CNTN4: variants seen among roughly 807,000 people sequenced by gnomAD.
CNTN4 encodes the protein contactin-4.
A neutral mutation model predicts 122.5 loss-of-function variants in CNTN4; 77 were observed. The ratio of observed to expected loss-of-function variants is 0.63; its 90% CI spans 0.52 to 0.76. The LOEUF (loss-of-function observed/expected upper bound fraction) is 0.76, where lower values mean the gene tolerates loss of function less well. CNTN4 is among the 30% of genes least tolerant of loss of function. The pLI is 0.00. For missense variants in CNTN4, 1,256 were observed against 1,259.1 expected, an observed-to-expected ratio of 1.00 and a Z score of 0.04; for synonymous variants, 512 against 447.0, an observed-to-expected ratio of 1.15 and a Z score of -1.83.
At chr3:2,890,337 A>G (rs572422250) in intron 10 of CNTN4, among the ~76,000 whole-genome samples, 6 of 152,284 alleles carry the variant, frequency 3.9e-5, no homozygotes, top group African/African-American at 1.4e-4. Context: ...ATAGGTCTCC[A>G]ATTTAAATGA....
intron 3 of CNTN4, among the ~76,000 whole-genome samples, chr3:2,452,940 C>G (rs1000964644): frequency 5.9e-5 from 9 of 151,882 alleles, no homozygotes; most frequent in African/African-American, 2.2e-4. Flanking sequence ...GTAATACTGG[C>G]CTTCATTATT....
At chr3:2,130,883 A>G (rs150281018) in intron 2 of CNTN4, among the ~76,000 whole-genome samples, 20 of 152,280 alleles carry the variant, frequency 1.3e-4, no homozygotes, top group South Asian at 6.2e-4. Flanking sequence ...ATCTTGGGCA[A>G]TGGCCAAGCA....
chr3:2,320,645 T>C (rs570445130), intron 2 of CNTN4, among the ~76,000 whole-genome samples: 2 of 152,282 alleles, frequency 1.3e-5, no homozygotes, highest in South Asian at 2.1e-4. Flanking sequence ...TCATGATGAC[T>C]GCTGTTCTAA....
At chr3:2,627,716 A>C (rs1012542588) in intron 4 of CNTN4, among the ~76,000 whole-genome samples, 5 of 151,940 alleles carry the variant, frequency 3.3e-5, no homozygotes, top group Non-Finnish European at 7.4e-5. Flanking sequence ...GATGGTCTCG[A>C]TCTCCTGACC....
At position 2,917,038 on chromosome 3, in the gene CNTN4, G is replaced by A. The variant is rs1301417230; in HGVS notation, c.1208-8591G>A. ...TTGAGCACTGAGTGAACCAGACTCC[G>A]TCTGCCATCCCGGCACCTCGGGAGG... On this transcript the variant is annotated intron_variant, in intron 12 of 24. Transcript: ENST00000418658. 4.8e-5 allele frequency among the ~76,000 whole-genome samples: 6 copies of A among 125,318 alleles called. 1 individual carries two copies. The highest frequency in any genetic ancestry group is 2.7e-4 in the South Asian group (1 of 3,642). The allele number at this position is 125,318 out of a possible 152,430, so 82.2% of individuals were successfully genotyped here. A position where few individuals can be genotyped will look rare whatever the true frequency, so the allele number is the denominator to read the frequency against.
intron 3 of CNTN4, among the ~76,000 whole-genome samples, chr3:2,409,482 T>C (rs1170219862): frequency 6.6e-6 from 1 of 152,060 alleles, no homozygotes. Flanking sequence ...TTCCTGACCT[T>C]GTGATCTGCA....
chr3:3,036,672 C>T (rs1363648046), intron 17 of CNTN4, among the ~76,000 whole-genome samples: 1 of 150,764 alleles, frequency 6.6e-6, no homozygotes, highest in Non-Finnish European at 1.5e-5. Context: ...GAGGCTGAGG[C>T]ACAAGAATTG....
At chr3:2,313,733 G>A (rs1363559188) in intron 2 of CNTN4, among the ~76,000 whole-genome samples, 2 of 152,054 alleles carry the variant, frequency 1.3e-5, no homozygotes, top group East Asian at 3.9e-4. Context: ...ATAATTAGTA[G>A]TGTAGTAATA....
At chr3:2,300,333 G>T (rs923984436) in intron 2 of CNTN4, among the ~76,000 whole-genome samples, 1 of 152,086 alleles carries the variant, frequency 6.6e-6, no homozygotes, top group African/African-American at 2.4e-5. Context: ...AAAGTTCAGG[G>T]TAGATTTGTA....
At chr3:2,978,986 C>A (rs1693693630) in intron 13 of CNTN4, among the ~76,000 whole-genome samples, 1 of 152,184 alleles carries the variant, frequency 6.6e-6, no homozygotes, top group Non-Finnish European at 1.5e-5. Flanking sequence ...TACAGATGTC[C>A]TGCCTTAAGT....
intron 4 of CNTN4, among the ~76,000 whole-genome samples, chr3:2,648,283 G>A (rs2083216188): frequency 6.6e-6 from 1 of 152,104 alleles, no homozygotes; most frequent in South Asian, 2.1e-4. Context: ...GGCATGCCTT[G>A]TGTTATTGTG....
intron 12 of CNTN4, among the ~76,000 whole-genome samples, chr3:2,911,186 C>T (rs2094295310): frequency 1.5e-5 from 2 of 129,366 alleles, no homozygotes; most frequent in African/African-American, 3.0e-5. Context: ...GTGGGAGGCC[C>T]CCTGAGAACA....
At chr3:2,748,672 G>C (rs540816297) in intron 6 of CNTN4, among the ~76,000 whole-genome samples, 2 of 152,266 alleles carry the variant, frequency 1.3e-5, no homozygotes, top group East Asian at 3.9e-4. Context: ...TTAAAGTAGT[G>C]AGAATCTTTG....
intron 12 of CNTN4, among the ~76,000 whole-genome samples, chr3:2,918,897 T>C (rs1006614566): frequency 6.6e-6 from 1 of 152,220 alleles, no homozygotes; most frequent in Non-Finnish European, 1.5e-5. Context: ...CAAAGCCTCA[T>C]GAGACGGGAA....
chr3:2,870,003 A>G (rs768018385), intron 8 of CNTN4, among the ~76,000 whole-genome samples: 1 of 152,216 alleles, frequency 6.6e-6, no homozygotes, highest in Non-Finnish European at 1.5e-5. Flanking sequence ...AGGCCAGAAT[A>G]TCTGTTCAGT....
chr3:2,231,240 A>G (rs1294028400), intron 2 of CNTN4, among the ~76,000 whole-genome samples: 2 of 152,174 alleles, frequency 1.3e-5, no homozygotes, highest in African/African-American at 4.8e-5. Flanking sequence ...AATACTCAAT[A>G]GTCACATCTG....
intron 6 of CNTN4, among the ~76,000 whole-genome samples, chr3:2,799,161 G>T (rs2150042969): frequency 6.6e-6 from 1 of 152,208 alleles, no homozygotes; most frequent in East Asian, 1.9e-4. Flanking sequence ...GTCTGTTTGT[G>T]TCCTTTGCCT....
intron 4 of CNTN4, among the ~76,000 whole-genome samples, chr3:2,588,657 G>A (rs1157440345): frequency 6.6e-6 from 1 of 151,894 alleles, no homozygotes; most frequent in East Asian, 1.9e-4. Flanking sequence ...GAGCCACCAC[G>A]CCTGGCCATG....
intron 13 of CNTN4, among the ~76,000 whole-genome samples, chr3:2,983,278 G>A (rs1465834163): frequency 7.6e-6 from 1 of 130,826 alleles, no homozygotes; most frequent in Non-Finnish European, 1.6e-5. Flanking sequence ...ATATATAGGA[G>A]GTATTTAGTA....
Sources: gnomAD v4.1 joint callset for allele counts (sites outside exome capture counted in the v4.1 genomes callset) on GRCh38, gnomAD v4.1.1 for gene constraint, MANE v1.5 for transcripts, NCBI Gene and HGNC (gene_info 2026-07-23, HGNC 2026-07-21) for gene names.